Variants in ZNF286A observed in about 807,000 individuals in gnomAD.
ZNF286A encodes zinc finger protein ZNF286.
ZNF286A carries 34 observed loss-of-function variants against 49.3 expected under a neutral mutation model. That is an observed-to-expected ratio of 0.69 (90% CI 0.52 to 0.92). The LOEUF (loss-of-function observed/expected upper bound fraction) is 0.92. Among genes scored for constraint, ZNF286A ranks in the 40% least tolerant of loss-of-function variants. The pLI is 0.00. For missense variants in ZNF286A, 462 were observed against 600.2 expected (o/e 0.77, Z 2.41); for synonymous variants, 155 against 200.4 (o/e 0.77, Z 1.91).
chr17:15,714,998 G>C (rs1309081621), intron 5 of ZNF286A, among the ~76,000 whole-genome samples: 1 of 151,754 alleles, frequency 6.6e-6, no homozygotes, highest in Non-Finnish European at 1.5e-5. Context: ...CTTTATTTCT[G>C]TATTTGCTCT....
At chr17:15,704,915 G>T (rs1990093727) in intron 3 of ZNF286A, 1 of 1,575,454 alleles carries the variant, frequency 6.3e-7, no homozygotes, top group East Asian at 2.3e-5. Context: ...GCGGCCGGCC[G>T]GGGGCGGGTC....
At position 15,716,522 on chromosome 17, in the gene ZNF286A, T is replaced by G. The variant is rs775686208; in HGVS notation, c.798T>G (p.Thr266=). 5.0e-6 allele frequency: 8 copies of G among 1,614,124 alleles called. 1 individual carries two copies. The South Asian group carries it at 8.8e-5, about 18-fold the overall frequency. Residue 266 remains threonine, a synonymous_variant, in exon 6 of 6, where the codon ACT becomes ACG. Transcript: ENST00000583566. ...TTATTCGACACCAGAGAGTCCATAC[T>G]GGAGAGAAACCCTATACCTGCAATG... is the stretch of plus-strand genomic sequence containing the variant. ...SVLIRHQRVH[T]GEKPYTCNEC...
At chr17:15,700,459 G>A (rs1989685537) in intron 2 of ZNF286A, 93 bp downstream of exon 2, 1 of 774,668 alleles carries the variant, frequency 1.3e-6, no homozygotes, top group African/African-American at 1.7e-5. Flanking sequence ...GGTGGCTCTT[G>A]GCTGGCTGTC....
intron 5 of ZNF286A, among the ~76,000 whole-genome samples, chr17:15,712,131 C>G (rs1157718792): frequency 2.0e-5 from 3 of 152,208 alleles, no homozygotes; most frequent in African/African-American, 7.2e-5. Context: ...CTTGGCCTCC[C>G]AAAGTGCTGG....
intron 5 of ZNF286A, among the ~76,000 whole-genome samples, chr17:15,710,554 T>G (rs1180639472): frequency 6.6e-6 from 1 of 152,238 alleles, no homozygotes; most frequent in Non-Finnish European, 1.5e-5. Context: ...CTTGTCTCTC[T>G]GGTTTACTTG....
At position 15,716,435 on chromosome 17, in the gene ZNF286A, T is replaced by C. The variant is rs1445545714; in HGVS notation, c.711T>C (p.Tyr237=). Residue 237 remains tyrosine, a synonymous_variant, in exon 6 of 6, where the codon TAT becomes TAC. Coordinates refer to ENST00000583566, the MANE Select transcript of ZNF286A (RefSeq NM_001130842.2). Reference sequence around the variant, plus strand: ...ACTTAATGAAAAAGCAGAGAACTTATAAAGAGAAAAAACCTCATAAATGTA... The same window carrying C: ...ACTTAATGAAAAAGCAGAGAACTTACAAAGAGAAAAAACCTCATAAATGTA... ...KSNLMKKQRT[Y]KEKKPHKCND... 1.9e-6 allele frequency: 3 copies of C among 1,613,122 alleles called. No homozygotes were observed. The highest frequency in any genetic ancestry group is 1.3e-5 in the African/African-American group (1 of 74,764).
rs772096558 is a variant in ZNF286A, at chr17:15,708,122, T to G, written c.242-33T>G. 1.0e-5 allele frequency: 15 copies of G among 1,484,672 alleles called. No individual in the cohort carries two copies. The Admixed American group carries it at 3.2e-4, about 31-fold the overall frequency. 92.0% of individuals were successfully genotyped at this position (1,484,672 alleles called of 1,614,324 possible). On this transcript the variant is annotated intron_variant, in intron 4 of 5. Transcript: ENST00000583566. Reference sequence around the variant, plus strand: ...AAATAACTTACTCCCATTACTTTCTTCTTTCTGTCTTTTTCTTTTTTTAAA... The same window carrying G: ...AAATAACTTACTCCCATTACTTTCTGCTTTCTGTCTTTTTCTTTTTTTAAA...
intron 4 of ZNF286A, among the ~76,000 whole-genome samples, chr17:15,706,745 A>T (rs1002151318): frequency 5.3e-5 from 8 of 152,136 alleles, no homozygotes; most frequent in East Asian, 1.9e-4. Flanking sequence ...GGGGAAAAAA[A>T]TTTTGATTTT....
intron 4 of ZNF286A, 127 bp downstream of exon 4, chr17:15,706,628 G>A (rs1266357409): frequency 5.0e-6 from 3 of 599,404 alleles, no homozygotes; most frequent in Admixed American, 3.5e-5. Flanking sequence ...TTTTTGGCCT[G>A]TGTAGAAAAT....
chr17:15,716,483 C>T lies in ZNF286A; in HGVS notation c.759C>T (p.Thr253=), dbSNP rs1467317306. 6.2e-7 allele frequency: 1 copy of T among 1,614,048 alleles called. No homozygotes were observed. Among genetic ancestry groups the T allele is most frequent in the Admixed American group, 1.7e-5 (1 of 60,010 alleles). ...HKCNDCGELF[T]YHSVLIRHQR... The stretch of plus-strand genomic sequence containing the variant: ...GTAATGATTGTGGTGAACTCTTCAC[C>T]TACCATTCAGTGCTTATTCGACACC... The change falls in exon 6 of 6, where the codon ACC becomes ACT. Residue 253 remains threonine (T), a synonymous_variant. Transcript: ENST00000583566.
chr17:15,715,626 T>C lies in ZNF286A; in HGVS notation c.335-433T>C, dbSNP rs192622390. On this transcript the variant is annotated intron_variant, in intron 5 of 5. Transcript: ENST00000583566. The stretch of plus-strand genomic sequence containing the variant: ...GATTAAACTGGCAATGGAATACATA[T>C]TTGGATGTGAGTAGGATTGGAATAG... Among the ~76,000 whole-genome samples the C allele has an allele frequency of 5.1e-3, 774 of 152,232 alleles. 11 individuals carry two copies. The highest frequency in any genetic ancestry group is 0.034 in the East Asian group (176 of 5,186).
At chr17:15,705,551 A>G (rs1263033090) in intron 3 of ZNF286A, among the ~76,000 whole-genome samples, 3 of 151,882 alleles carry the variant, frequency 2.0e-5, no homozygotes, top group Non-Finnish European at 4.4e-5. Flanking sequence ...ATATTTTCTC[A>G]GTTATTATAA....
Position 15,717,381 on chromosome 17 carries a change from T to C in ZNF286A, c.*91T>C, listed in dbSNP as rs1394655397. 7 of 1,457,324 alleles carry C rather than the reference T, an allele frequency of 4.8e-6. No homozygotes were observed. The African/African-American group carries it at 7.1e-5, about 15-fold the overall frequency. 90.3% of individuals were successfully genotyped at this position (1,457,324 alleles called of 1,614,324 possible). ...GTGGAAGGCGCATCCATAATATGCA[T>C]GTGAGGACCAATTCTGTATGCATCT... On this transcript the variant is annotated 3_prime_UTR_variant, in exon 6 of 6. Transcript: ENST00000583566.
chr17:15,714,344 T>A (rs1966914795), intron 5 of ZNF286A, among the ~76,000 whole-genome samples: 1 of 152,138 alleles, frequency 6.6e-6, no homozygotes, highest in Non-Finnish European at 1.5e-5. Flanking sequence ...GCAAATAACA[T>A]CTAAATGTTA....
At chr17:15,707,448 A>AT (rs1248188498) in intron 4 of ZNF286A, among the ~76,000 whole-genome samples, 1 of 151,398 alleles carries the variant, frequency 6.6e-6, no homozygotes, top group Admixed American at 6.6e-5. Context: ...AAAAAAAAAA[A>AT]TTAAAAAAGA....
At position 15,716,150 on chromosome 17, in the gene ZNF286A, G is replaced by C; in HGVS notation, c.426G>C (p.Leu142=). Residue 142 remains leucine (L), a synonymous_variant, in exon 6 of 6, where the codon CTG becomes CTC. Coordinates refer to ENST00000583566, the MANE Select transcript of ZNF286A (RefSeq NM_001130842.2). ...ESCKVAIIDR[L]TRNSVYDSNL... Reference sequence around the variant, plus strand: ...GCAAAGTTGCAATAATAGACAGACTGACACGGAATAGTGTCTATGACTCTA... The same window carrying C: ...GCAAAGTTGCAATAATAGACAGACTCACACGGAATAGTGTCTATGACTCTA... The C allele has an allele frequency of 6.2e-7, 1 of 1,613,848 alleles. No homozygotes were observed. Among genetic ancestry groups the C allele is most frequent in the Non-Finnish European group, 8.5e-7 (1 of 1,179,818 alleles).
chr17:15,705,585 T>C (rs565176367), intron 3 of ZNF286A, among the ~76,000 whole-genome samples: 116 of 152,348 alleles, frequency 7.6e-4, no homozygotes, highest in African/African-American at 2.7e-3. Context: ...ATTTTTGGAA[T>C]GTATTGAAAT....
At chr17:15,710,155 A>G (rs759268883) in intron 5 of ZNF286A, among the ~76,000 whole-genome samples, 2 of 152,176 alleles carry the variant, frequency 1.3e-5, no homozygotes, top group East Asian at 1.9e-4. Flanking sequence ...GGAGTTCTTC[A>G]TATATTTTAG....
intron 5 of ZNF286A, among the ~76,000 whole-genome samples, chr17:15,711,860 G>GCCCC (rs1195215778): frequency 9.7e-6 from 1 of 103,386 alleles, no homozygotes; most frequent in African/African-American, 3.9e-5. Context: ...TCTGTAATCT[G>GCCCC]CCCCCCCCCC....
Sources: allele counts gnomAD v4.1 joint callset (sites outside exome capture counted in the v4.1 genomes callset), GRCh38; gene constraint gnomAD v4.1.1; transcripts MANE v1.5; gene names NCBI Gene and HGNC (gene_info 2026-07-23, HGNC 2026-07-21).